Variants in DIMT1 observed in about 807,000 individuals in gnomAD.
DIMT1 encodes the protein dimethyladenosine transferase.
Under a neutral mutation model 43.2 loss-of-function variants are expected in DIMT1, and 36 were observed. The observed-to-expected ratio is 0.83, with a 90% CI of 0.64 to 1.10. The LOEUF (loss-of-function observed/expected upper bound fraction) is 1.10. Ranked by LOEUF, DIMT1 falls within the 50% of genes least tolerant of loss-of-function variation. DIMT1 has a pLI of 0.00. For synonymous variants in DIMT1, 126 were observed against 130.3 expected (o/e 0.97, Z 0.22); for missense variants, 341 against 385.3 (o/e 0.88, Z 0.96).
chr5:62,396,338 T>A (rs1009996061), intron 6 of DIMT1, among the ~76,000 whole-genome samples: 5 of 151,308 alleles, frequency 3.3e-5, no homozygotes, highest in Non-Finnish European at 5.9e-5. Context: ...GCAAGACCCA[T>A]CTCTAAAAAA....
In DIMT1 at chr5:62,394,554, G is replaced by A. The variant is rs1561290338; in HGVS notation, c.500C>T (p.Pro167Leu). Residue 167 changes from proline (P) to leucine (L), a missense_variant, in exon 7 of 12, where the codon CCT becomes CTT. By Grantham distance (98) the Pro-to-Leu change is moderately conservative. Transcript: ENST00000199320. ...REFALRLVAKPGDKLYCRLSI... is the reference protein window; with the variant it reads ...REFALRLVAKLGDKLYCRLSI... The stretch of plus-strand genomic sequence containing the variant: ...GAGTCTGCAGTATAACTTATCTCCA[G>A]GTTTTGCAACCAGTCGGAGGGCAAA... The A allele has an allele frequency of 6.2e-7, 1 of 1,614,208 alleles. No homozygotes were observed. Among genetic ancestry groups the A allele is most frequent in the Non-Finnish European group, 8.5e-7 (1 of 1,180,044 alleles).
chr5:62,393,717 A>G (rs964725745), intron 8 of DIMT1, among the ~76,000 whole-genome samples: 2 of 151,130 alleles, frequency 1.3e-5, no homozygotes, highest in African/African-American at 2.4e-5. Flanking sequence ...TTTTCATTTT[A>G]CCTTGTTTTC....
At position 62,403,674 on chromosome 5, in the gene DIMT1, T is replaced by C; in HGVS notation, c.79+20A>G. ...AAGACCTGACCCGACCGACCCCAGC[T>C]TCCTCGCGGGGATCCGCACCTCCAG... On this transcript the variant is annotated intron_variant, in intron 1 of 11. Transcript: ENST00000199320. 2 of 1,600,924 alleles carry C rather than the reference T, an allele frequency of 1.2e-6. No individual in the cohort carries two copies. The highest frequency in any genetic ancestry group is 1.1e-5 in the South Asian group (1 of 89,680).
At chr5:62,401,933 C>T in intron 3 of DIMT1, 103 bp downstream of exon 3, 2 of 1,140,578 alleles carry the variant, frequency 1.8e-6, no homozygotes, top group Non-Finnish European at 1.3e-6. Flanking sequence ...TCAGGAGTTA[C>T]TACTAAAATA....
chr5:62,389,961 T>C (rs1407865790), intron 11 of DIMT1, among the ~76,000 whole-genome samples: 3 of 152,238 alleles, frequency 2.0e-5, no homozygotes, highest in Non-Finnish European at 4.4e-5. Flanking sequence ...GCAAAGTAGA[T>C]ATTTATGAAT....
chr5:62,395,027 T>C (rs866700741), intron 6 of DIMT1, among the ~76,000 whole-genome samples: 21 of 78,522 alleles, frequency 2.7e-4, no homozygotes, highest in African/African-American at 6.1e-4. Context: ...AGATGTAGAC[T>C]TTTTTTTTTT....
intron 10 of DIMT1, 101 bp downstream of exon 10, chr5:62,392,070 T>G (rs1340332717): frequency 3.1e-6 from 5 of 1,601,802 alleles, no homozygotes; most frequent in Non-Finnish European, 4.3e-6. Flanking sequence ...AAGGATCTTA[T>G]GGAATGTACA....
At chr5:62,400,333 G>A (rs763276099) in intron 3 of DIMT1, among the ~76,000 whole-genome samples, 41 of 151,614 alleles carry the variant, frequency 2.7e-4, no homozygotes, top group Non-Finnish European at 5.3e-4. Flanking sequence ...CTGCTGCCTC[G>A]AAGTCTTGGG....
At chr5:62,401,125 G>A (rs1263402450) in intron 3 of DIMT1, among the ~76,000 whole-genome samples, 2 of 152,082 alleles carry the variant, frequency 1.3e-5, no homozygotes, top group Non-Finnish European at 2.9e-5. Context: ...TTCAACTTCT[G>A]GTTGGAATTG....
At chr5:62,400,484 C>G (rs114026939) in intron 3 of DIMT1, among the ~76,000 whole-genome samples, 2 of 151,932 alleles carry the variant, frequency 1.3e-5, no homozygotes, top group African/African-American at 4.8e-5. Flanking sequence ...AACTCCTGGG[C>G]TCAAACAATC....
At chr5:62,403,607 C>A in intron 1 of DIMT1, 87 bp downstream of exon 1, 1 of 1,469,348 alleles carries the variant, frequency 6.8e-7, no homozygotes, top group Non-Finnish European at 9.3e-7. Flanking sequence ...CCGGCCTCTG[C>A]CGATCAGGTC....
At chr5:62,391,784 C>A in intron 10 of DIMT1, 1 of 1,393,462 alleles carries the variant, frequency 7.2e-7, no homozygotes, top group Non-Finnish European at 9.3e-7. Context: ...ATATTTGTAA[C>A]TGCTATGTGA....
In DIMT1 at chr5:62,388,851, A is replaced by C; in HGVS notation, c.*159T>G. The C allele has an allele frequency of 1.5e-6, 1 of 676,754 alleles. No homozygotes were observed. Among genetic ancestry groups the C allele is most frequent in the Non-Finnish European group, 2.6e-6 (1 of 391,418 alleles). The allele number at this position is 676,754 out of a possible 1,614,324, so 41.9% of individuals were successfully genotyped here. A position where few individuals can be genotyped will look rare whatever the true frequency, so the allele number is the denominator to read the frequency against. ...TTGATACTTAGAACTTTCCAACTTTAAAATTCAGAATCATAAATGGTGACA... is the reference window on the plus strand; with the variant it reads ...TTGATACTTAGAACTTTCCAACTTTCAAATTCAGAATCATAAATGGTGACA... On this transcript the variant is annotated 3_prime_UTR_variant, in exon 12 of 12. Coordinates refer to ENST00000199320, the MANE Select transcript of DIMT1 (RefSeq NM_014473.4).
intron 1 of DIMT1, 34 bp downstream of exon 1, chr5:62,403,660 C>G (rs111856068): frequency 1.3e-6 from 2 of 1,587,142 alleles, no homozygotes; most frequent in South Asian, 2.3e-5. Context: ...AGACCTGACC[C>G]GACCGACCCC....
intron 9 of DIMT1, 85 bp from the exon 10 acceptor site, chr5:62,392,319 C>T: frequency 9.7e-7 from 1 of 1,025,966 alleles, no homozygotes; most frequent in Non-Finnish European, 1.5e-6. Flanking sequence ...TTAACTAATA[C>T]ATAAGCCATT....
At position 62,387,570 on chromosome 5, in the gene DIMT1, T is replaced by C. The variant is rs1037769304; in HGVS notation, c.*1440A>G. The C allele has an allele frequency of 1.3e-5, 2 of 152,100 alleles. No homozygotes were observed. Among genetic ancestry groups the C allele is most frequent in the African/African-American group, 4.8e-5 (2 of 41,428 alleles). The allele number at this position is 152,100 out of a possible 1,614,324, so 9.4% of individuals were successfully genotyped here. A position where few individuals can be genotyped will look rare whatever the true frequency, so the allele number is the denominator to read the frequency against. ...AGATACTGGAGGTAATATAATACAG[T>C]CCTTCAGCTTTACAGATAGTGAAAA... On this transcript the variant is annotated 3_prime_UTR_variant, in exon 12 of 12. Coordinates refer to ENST00000199320, the MANE Select transcript of DIMT1 (RefSeq NM_014473.4).
rs868758879 is a variant in DIMT1 at position 62,397,793 on chromosome 5, C to T, written c.446+718G>A. Among the ~76,000 whole-genome samples, 24 of 151,904 alleles carry T rather than the reference C, an allele frequency of 1.6e-4. 1 individual carries two copies. Among genetic ancestry groups the T allele is most frequent in the Middle Eastern group, 3.4e-3 (1 of 294 alleles). ...CCTCCCGAGTGGCTGGGACTACAGG[C>T]GCCCGCCACTACGCCCGGCTAGTTT... On this transcript the variant is annotated intron_variant, in intron 6 of 11. Coordinates refer to ENST00000199320, the MANE Select transcript of DIMT1 (RefSeq NM_014473.4).
intron 6 of DIMT1, among the ~76,000 whole-genome samples, chr5:62,396,151 T>TTTTTTTTTTTTTTTAC (rs931809201): frequency 6.7e-6 from 1 of 148,186 alleles, no homozygotes; most frequent in Non-Finnish European, 1.5e-5. Flanking sequence ...TTTTTTTTTT[T>TTTTTTTTTTTTTTTAC]ACATTATTAA....
Position 62,389,897 on chromosome 5 carries a change from G to C in DIMT1, c.900-845C>G, listed in dbSNP as rs534474801. ...AGAGAAAATATTTCTCTTTAGACCT[G>C]AGGTTATGTTTAGGCTGGCCCATAG... On this transcript the variant is annotated intron_variant, in intron 11 of 11. Transcript: ENST00000199320. Among the ~76,000 whole-genome samples, 4 of 152,292 alleles carry C rather than the reference G, an allele frequency of 2.6e-5. No individual in the cohort carries two copies. The South Asian group carries it at 8.3e-4, about 32-fold the overall frequency.
Sources: allele counts gnomAD v4.1 joint callset (sites outside exome capture counted in the v4.1 genomes callset), GRCh38; gene constraint gnomAD v4.1.1; transcripts MANE v1.5; gene names NCBI Gene and HGNC (gene_info 2026-07-23, HGNC 2026-07-21).